Variants in GPC6 observed in about 807,000 individuals in gnomAD.
GPC6 encodes glypican 6.
In GPC6, 14 loss-of-function variants were observed where a neutral mutation model predicts 55.2. The observed-to-expected ratio is 0.25, with a 90% CI of 0.17 to 0.40. The LOEUF is 0.40. GPC6 is among the 10% of genes least tolerant of loss of function. The pLI is 1.00. For synonymous variants in GPC6, 278 were observed against 259.6 expected (o/e 1.07, Z -0.68); for missense variants, 641 against 708.5 (o/e 0.90, Z 1.08).
At chr13:94,292,517 T>C (rs931516186) in intron 5 of GPC6, among the ~76,000 whole-genome samples, 15 of 152,220 alleles carry the variant, frequency 9.9e-5, no homozygotes, top group African/African-American at 2.9e-4. Context: ...TCCAGCCCTG[T>C]CATTCATTGC....
intron 4 of GPC6, among the ~76,000 whole-genome samples, chr13:94,082,348 G>C (rs1885130906): frequency 6.6e-6 from 1 of 151,992 alleles, no homozygotes; most frequent in Non-Finnish European, 1.5e-5. Context: ...TCAGGCCCCA[G>C]ACACACTTCC....
intron 2 of GPC6, among the ~76,000 whole-genome samples, chr13:93,743,749 C>G (rs1164933169): frequency 1.3e-5 from 2 of 151,608 alleles, no homozygotes; most frequent in Non-Finnish European, 2.9e-5. Context: ...TTATTTTTCC[C>G]TTTTTAACTA....
At chr13:94,384,255 C>T (rs752626438) in intron 7 of GPC6, among the ~76,000 whole-genome samples, 4 of 152,206 alleles carry the variant, frequency 2.6e-5, no homozygotes, top group Non-Finnish European at 5.9e-5. Context: ...AAATATTTAG[C>T]ATTTTACCAG....
chr13:94,220,934 T>C (rs905600716), intron 4 of GPC6, among the ~76,000 whole-genome samples: 1 of 152,052 alleles, frequency 6.6e-6, no homozygotes, highest in Non-Finnish European at 1.5e-5. Flanking sequence ...AGCATATGAA[T>C]TGGGGCAGGG....
intron 2 of GPC6, among the ~76,000 whole-genome samples, chr13:93,721,511 T>C (rs1458020381): frequency 3.3e-5 from 5 of 151,652 alleles, no homozygotes; most frequent in South Asian, 2.1e-4. Context: ...GCTGATGAGA[T>C]TGATGAAATA....
At chr13:93,561,242 A>T (rs930693840) in intron 2 of GPC6, among the ~76,000 whole-genome samples, 1 of 151,990 alleles carries the variant, frequency 6.6e-6, no homozygotes, top group Non-Finnish European at 1.5e-5. Context: ...GATAATAGTA[A>T]ATTTAAAGAC....
At chr13:93,408,216 A>G (rs1012547915) in intron 1 of GPC6, among the ~76,000 whole-genome samples, 1 of 152,192 alleles carries the variant, frequency 6.6e-6, no homozygotes, top group Non-Finnish European at 1.5e-5. Context: ...GGTTGAGAGC[A>G]TGTGAAATAA....
chr13:94,062,405 C>T (rs1884363506), intron 4 of GPC6, among the ~76,000 whole-genome samples: 1 of 152,082 alleles, frequency 6.6e-6, no homozygotes, highest in African/African-American at 2.4e-5. Flanking sequence ...CATGTGCCAC[C>T]ATGCCTGGCT....
chr13:93,487,355 C>T (rs941650814), intron 1 of GPC6, among the ~76,000 whole-genome samples: 31 of 152,234 alleles, frequency 2.0e-4, no homozygotes, highest in African/African-American at 6.3e-4. Context: ...TTTTCCTAAT[C>T]TTCTCCCTTC....
At chr13:93,814,011 A>C (rs1886774962) in intron 2 of GPC6, among the ~76,000 whole-genome samples, 1 of 152,108 alleles carries the variant, frequency 6.6e-6, no homozygotes, top group South Asian at 2.1e-4. Flanking sequence ...AACACATTCT[A>C]GGTGTCTTCT....
At chr13:94,199,905 C>T (rs1889698085) in intron 4 of GPC6, among the ~76,000 whole-genome samples, 1 of 152,080 alleles carries the variant, frequency 6.6e-6, no homozygotes, top group South Asian at 2.1e-4. Context: ...ACCTGTAATC[C>T]CAGTACTTTG....
At chr13:94,000,196 A>G in intron 3 of GPC6, among the ~76,000 whole-genome samples, 1 of 152,208 alleles carries the variant, frequency 6.6e-6, no homozygotes, top group East Asian at 1.9e-4. Flanking sequence ...TGTAGATAGT[A>G]CGTTCCATGA....
In GPC6 at chr13:93,337,586, A is replaced by G. The variant is rs765485635; in HGVS notation, c.160+109970A>G. 3.5e-4 allele frequency among the ~76,000 whole-genome samples: 53 copies of G among 152,340 alleles called. 1 individual carries two copies. The highest frequency in any genetic ancestry group is 2.3e-3 in the South Asian group (11 of 4,830). Reference sequence around the variant, plus strand: ...ATAGACAGGATATGGTAGAGGCTCTATAAGAATGCAGATATTCTGATTCCA... The same window carrying G: ...ATAGACAGGATATGGTAGAGGCTCTGTAAGAATGCAGATATTCTGATTCCA... On this transcript the variant is annotated intron_variant, in intron 1 of 8. Transcript: ENST00000377047.
At chr13:93,431,187 T>C (rs1003399816) in intron 1 of GPC6, among the ~76,000 whole-genome samples, 6 of 152,112 alleles carry the variant, frequency 3.9e-5, no homozygotes, top group Non-Finnish European at 7.4e-5. Flanking sequence ...CTAAACACTT[T>C]TATAATTATT....
At chr13:93,706,316 A>G (rs1026292391) in intron 2 of GPC6, among the ~76,000 whole-genome samples, 1 of 151,928 alleles carries the variant, frequency 6.6e-6, no homozygotes, top group Non-Finnish European at 1.5e-5. Context: ...AAAACTTACC[A>G]TCTTCACCAA....
intron 2 of GPC6, among the ~76,000 whole-genome samples, chr13:93,687,011 A>T (rs1882074354): frequency 6.6e-6 from 1 of 152,096 alleles, no homozygotes; most frequent in Non-Finnish European, 1.5e-5. Flanking sequence ...ACAATAAATT[A>T]AAATACTGTA....
chr13:93,346,965 G>T (rs536284796), intron 1 of GPC6, among the ~76,000 whole-genome samples: 1 of 152,030 alleles, frequency 6.6e-6, no homozygotes, highest in Non-Finnish European at 1.5e-5. Flanking sequence ...TCGGTTGATT[G>T]GTCATACATA....
chr13:94,396,555 T>C (rs2139226033), intron 7 of GPC6, among the ~76,000 whole-genome samples: 1 of 152,308 alleles, frequency 6.6e-6, no homozygotes, highest in South Asian at 2.1e-4. Flanking sequence ...CCTGGCCCCC[T>C]TACAAAAGGG....
At chr13:94,141,296 C>G (rs1013070372) in intron 4 of GPC6, among the ~76,000 whole-genome samples, 2 of 152,070 alleles carry the variant, frequency 1.3e-5, no homozygotes, top group African/African-American at 4.8e-5. Flanking sequence ...AAAGCTTTGT[C>G]TAGAAATTTG....
Sources: allele counts gnomAD v4.1 joint callset (sites outside exome capture counted in the v4.1 genomes callset), GRCh38; gene constraint gnomAD v4.1.1; transcripts MANE v1.5; gene names NCBI Gene and HGNC (gene_info 2026-07-23, HGNC 2026-07-21).